The following MLLT10 variants were observed in gnomAD, a reference collection of about 807,000 sequenced individuals.
MLLT10 encodes protein AF-10.
In MLLT10, 30 loss-of-function variants were observed where a neutral mutation model predicts 129.1. The ratio of observed to expected loss-of-function variants is 0.23; its 90% CI spans 0.17 to 0.32. MLLT10 has a LOEUF of 0.32. Among genes scored for constraint, MLLT10 ranks in the 10% least tolerant of loss-of-function variants. The pLI, the probability that MLLT10 is intolerant of heterozygous loss-of-function variation, is 1.00. For synonymous variants in MLLT10, 490 were observed against 446.4 expected (o/e 1.10, Z -1.23); for missense variants, 1,119 against 1,268.3 (o/e 0.88, Z 1.79).
chr10:21,626,384 A>T (rs141624028), intron 8 of MLLT10: 1 of 625,462 alleles, frequency 1.6e-6, no homozygotes, highest in Non-Finnish European at 2.8e-6. Flanking sequence ...CCCCAAGTCT[A>T]TGATTCTTAT....
In MLLT10 at chr10:21,652,408, G is replaced by A. The variant is rs537914141; in HGVS notation, c.795+640G>A. 1.3e-3 allele frequency among the ~76,000 whole-genome samples: 203 copies of A among 152,240 alleles called. 1 individual carries two copies. The highest frequency in any genetic ancestry group is 2.3e-3 in the Non-Finnish European group (156 of 68,008). ...TGAGTGTTTAGGTTAATTAACCTTG[G>A]TTAACTCAATTATATCATTTGTAAA... On this transcript the variant is annotated intron_variant, in intron 9 of 22. Coordinates refer to ENST00000307729, the MANE Select transcript of MLLT10 (RefSeq NM_001195626.3).
chr10:21,679,509 C>CT (rs1396764032), intron 11 of MLLT10, among the ~76,000 whole-genome samples: 2 of 152,160 alleles, frequency 1.3e-5, no homozygotes, highest in Non-Finnish European at 2.9e-5. Flanking sequence ...GGAGGTTGCG[C>CT]TTTTTTGTGT....
At chr10:21,631,537 G>A (rs1409739006) in intron 8 of MLLT10, among the ~76,000 whole-genome samples, 1 of 151,884 alleles carries the variant, frequency 6.6e-6, no homozygotes, top group African/African-American at 2.4e-5. Context: ...AGGAAGAAAA[G>A]AGATTTAGTT....
At chr10:21,562,578 C>T (rs1158857647) in intron 3 of MLLT10, among the ~76,000 whole-genome samples, 3 of 151,314 alleles carry the variant, frequency 2.0e-5, no homozygotes, top group Non-Finnish European at 3.0e-5. Context: ...CCTCAAGTGA[C>T]CCACCTGCCT....
chr10:21,686,394 A>G (rs1277413893), intron 13 of MLLT10, among the ~76,000 whole-genome samples: 2 of 152,064 alleles, frequency 1.3e-5, no homozygotes, highest in African/African-American at 2.4e-5. Context: ...TGTTGGGACA[A>G]TAATTTTAAT....
chr10:21,733,171 C>T, intron 18 of MLLT10, 84 bp downstream of exon 18: 1 of 1,318,606 alleles, frequency 7.6e-7, no homozygotes, highest in Non-Finnish European at 1.0e-6. Context: ...TAATTGGTCA[C>T]CAGTTATATG....
chr10:21,568,014 T>C (rs2131023979), intron 3 of MLLT10, among the ~76,000 whole-genome samples: 1 of 152,172 alleles, frequency 6.6e-6, no homozygotes, highest in African/African-American at 2.4e-5. Context: ...GATGGGGTTT[T>C]GCCATGTTGG....
At chr10:21,673,309 A>AC (rs768397074) in intron 10 of MLLT10, 41 bp from the exon 11 acceptor site, 11 of 103,792 alleles carry the variant, frequency 1.1e-4, no homozygotes, top group East Asian at 2.0e-4. Context: ...TGTCCCCCCC[A>AC]CCCCCCAACT....
chr10:21,689,248 A>G (rs746584705), intron 13 of MLLT10, among the ~76,000 whole-genome samples: 13 of 152,006 alleles, frequency 8.6e-5, no homozygotes, highest in Non-Finnish European at 1.3e-4. Context: ...GATGCGGCAC[A>G]TGAGTCCTCC....
chr10:21,572,356 G>A (rs1348578630), intron 3 of MLLT10, among the ~76,000 whole-genome samples: 2 of 152,036 alleles, frequency 1.3e-5, no homozygotes, highest in African/African-American at 4.8e-5. Flanking sequence ...TCGAAGTTCT[G>A]CATATTCTCC....
rs2056695447 is a variant in MLLT10 at position 21,717,519 on chromosome 10, A to ACCTCCACCACCT, written c.1878+3574_1878+3575insACCACCTCCTCC. 1.1e-4 allele frequency among the ~76,000 whole-genome samples: 8 copies of ACCTCCACCACCT among 75,284 alleles called. No individual in the cohort carries two copies. The South Asian group carries it at 5.0e-3, about 47-fold the overall frequency. The allele number at this position is 75,284 out of a possible 152,430, so 49.4% of individuals were successfully genotyped here. A position where few individuals can be genotyped will look rare whatever the true frequency, so the allele number is the denominator to read the frequency against. On this transcript the variant is annotated intron_variant, in intron 14 of 22. Transcript: ENST00000307729. ...CTCCTCCTCCTCCTCCTCCTCCACCACCTCCTCCTCCTCCTCCTCCTCCCT... is the reference window on the plus strand; with the variant it reads ...CTCCTCCTCCTCCTCCTCCTCCACCACCTCCACCACCTCCTCCTCCTCCTCCTCCTCCTCCCT...
intron 10 of MLLT10, among the ~76,000 whole-genome samples, chr10:21,671,679 A>G (rs1379113794): frequency 6.6e-6 from 1 of 152,114 alleles, no homozygotes; most frequent in Non-Finnish European, 1.5e-5. Context: ...CAGCTACTTC[A>G]GAGGCCGAGG....
chr10:21,741,192 A>T (rs1004154411), intron 22 of MLLT10, among the ~76,000 whole-genome samples: 2 of 152,146 alleles, frequency 1.3e-5, no homozygotes, highest in Admixed American at 6.5e-5. Context: ...TCCTGTCATC[A>T]CACACCGCAT....
intron 16 of MLLT10, among the ~76,000 whole-genome samples, chr10:21,728,359 A>G (rs570035741): frequency 2.4e-4 from 37 of 152,208 alleles, no homozygotes; most frequent in Non-Finnish European, 4.0e-4. Flanking sequence ...AACTCCTACT[A>G]GTTCTTAAAT....
chr10:21,653,902 A>G (rs2049299291), intron 9 of MLLT10, among the ~76,000 whole-genome samples: 1 of 152,200 alleles, frequency 6.6e-6, no homozygotes, highest in South Asian at 2.1e-4. Context: ...GGGAGAAGTG[A>G]GTGCAGGTAG....
At chr10:21,582,108 TA>T (rs925333420) in intron 3 of MLLT10, among the ~76,000 whole-genome samples, 5 of 151,982 alleles carry the variant, frequency 3.3e-5, no homozygotes, top group East Asian at 1.9e-4. Context: ...AGTACATTGT[TA>T]TTTTTTTTTT....
At chr10:21,646,278 C>A (rs1208741786) in intron 8 of MLLT10, among the ~76,000 whole-genome samples, 1 of 152,174 alleles carries the variant, frequency 6.6e-6, no homozygotes, top group Non-Finnish European at 1.5e-5. Flanking sequence ...GAAAGCAGTT[C>A]ATTCTGGAAC....
chr10:21,687,265 C>T (rs1286876523), intron 13 of MLLT10, among the ~76,000 whole-genome samples: 1 of 152,178 alleles, frequency 6.6e-6, no homozygotes, highest in Non-Finnish European at 1.5e-5. Flanking sequence ...TCTACTTAGG[C>T]TTGTCAGACT....
At chr10:21,558,187 G>T (rs901488439) in intron 3 of MLLT10, among the ~76,000 whole-genome samples, 4 of 151,982 alleles carry the variant, frequency 2.6e-5, no homozygotes, top group Middle Eastern at 3.4e-3. Flanking sequence ...CTGACCTCCG[G>T]TGATCCACCC....
Sources: gnomAD v4.1 joint callset for allele counts (sites outside exome capture counted in the v4.1 genomes callset) on GRCh38, gnomAD v4.1.1 for gene constraint, MANE v1.5 for transcripts, NCBI Gene and HGNC (gene_info 2026-07-23, HGNC 2026-07-21) for gene names.